Variants in WAC observed in about 807,000 individuals in gnomAD.
WAC encodes the protein WW domain-containing adapter protein with coiled-coil.
A neutral mutation model predicts 79.6 loss-of-function variants in WAC; 11 were observed. That is an observed-to-expected ratio of 0.14 (90% CI 0.09 to 0.23). The LOEUF (loss-of-function observed/expected upper bound fraction) is 0.23, where lower values mean the gene tolerates loss of function less well. WAC is among the 10% of genes least tolerant of loss of function. The probability of loss-of-function intolerance (pLI) is 1.00; values close to 1 mark genes in which losing one functional copy is unlikely to be tolerated. For missense variants in WAC, 728 were observed against 773.5 expected (o/e 0.94, Z 0.70); for synonymous variants, 304 against 276.9 (o/e 1.10, Z -0.97).
chr10:28,562,631 A>AG (rs535276103), intron 3 of WAC, among the ~76,000 whole-genome samples: 153 of 152,346 alleles, frequency 1.0e-3, no homozygotes, highest in African/African-American at 3.5e-3. Context: ...GAGATAAGAA[A>AG]GGTAGTAAAC....
At chr10:28,547,123 T>C (rs1439638558) in intron 3 of WAC, among the ~76,000 whole-genome samples, 1 of 152,248 alleles carries the variant, frequency 6.6e-6, no homozygotes, top group Non-Finnish European at 1.5e-5. Flanking sequence ...ATGTCTTTTG[T>C]ATCTTTATTT....
chr10:28,584,894 C>T (rs1349240549), intron 4 of WAC, among the ~76,000 whole-genome samples: 1 of 151,912 alleles, frequency 6.6e-6, no homozygotes, highest in Non-Finnish European at 1.5e-5. Context: ...ATGGTGAAAC[C>T]CCATCTCTAC....
chr10:28,543,061 G>T (rs1452931934), intron 3 of WAC, among the ~76,000 whole-genome samples: 2 of 152,214 alleles, frequency 1.3e-5, no homozygotes, highest in African/African-American at 4.8e-5. Flanking sequence ...TAAGGGGAAT[G>T]AAATTATAGT....
chr10:28,602,424 A>G (rs1472287519), intron 7 of WAC, among the ~76,000 whole-genome samples: 1 of 152,234 alleles, frequency 6.6e-6, no homozygotes, highest in Non-Finnish European at 1.5e-5. Context: ...GTTGTCACCT[A>G]CCTACCTTAT....
At chr10:28,557,931 G>A (rs954832105) in intron 3 of WAC, among the ~76,000 whole-genome samples, 4 of 152,088 alleles carry the variant, frequency 2.6e-5, no homozygotes, top group East Asian at 1.9e-4. Flanking sequence ...AAAATTAGCC[G>A]GGTGTGGTGG....
intron 3 of WAC, among the ~76,000 whole-genome samples, chr10:28,577,163 C>T (rs1425952909): frequency 6.6e-6 from 1 of 152,112 alleles, no homozygotes; most frequent in Non-Finnish European, 1.5e-5. Context: ...TTTTCACCAC[C>T]AGGTTTCTTG....
At chr10:28,607,443 C>G (rs1485656055) in intron 7 of WAC, among the ~76,000 whole-genome samples, 1 of 152,072 alleles carries the variant, frequency 6.6e-6, no homozygotes, top group African/African-American at 2.4e-5. Context: ...TACATTAAAT[C>G]TATATAAATA....
intron 13 of WAC, 79 bp downstream of exon 13, chr10:28,617,863 TTTTA>T (rs1281844706): frequency 6.3e-6 from 9 of 1,434,678 alleles, no homozygotes; most frequent in Non-Finnish European, 7.4e-6. Flanking sequence ...GTAAATCACA[TTTTA>T]TTTATGAAAT....
At chr10:28,603,939 A>AG (rs1840767000) in intron 7 of WAC, among the ~76,000 whole-genome samples, 1 of 29,578 alleles carries the variant, frequency 3.4e-5, no homozygotes, top group African/African-American at 1.8e-4. Context: ...GTCTCAAAAA[A>AG]AAAATATATA....
rs1841629000 is a variant in WAC, at chr10:28,619,885, C to A, written c.*279C>A. On this transcript the variant is annotated 3_prime_UTR_variant, in exon 14 of 14. Transcript: ENST00000354911. Reference sequence around the variant, plus strand: ...GCCATGTGTAACAGAGCTTAGACATCCAAAACTAATCAATGCTGAGGTGGC... The same window carrying A: ...GCCATGTGTAACAGAGCTTAGACATACAAAACTAATCAATGCTGAGGTGGC... 1 of 247,796 alleles carries A rather than the reference C, an allele frequency of 4.0e-6. No homozygotes were observed. The highest frequency in any genetic ancestry group is 7.6e-6 in the Non-Finnish European group (1 of 131,228). The allele number at this position is 247,796 out of a possible 1,614,324, so 15.3% of individuals were successfully genotyped here. A position where few individuals can be genotyped will look rare whatever the true frequency, so the allele number is the denominator to read the frequency against.
chr10:28,611,407 G>T, intron 9 of WAC: 1 of 1,306,224 alleles, frequency 7.7e-7, no homozygotes. Context: ...GCAACCCTCT[G>T]GCTAGCCTCA....
intron 3 of WAC, among the ~76,000 whole-genome samples, chr10:28,574,199 G>A (rs1839126078): frequency 6.6e-6 from 1 of 152,036 alleles, no homozygotes; most frequent in African/African-American, 2.4e-5. Context: ...CTTGCTCTGT[G>A]TACAGTGTCA....
chr10:28,551,784 T>TGTGTGTGTGTGTG (rs1837682780), intron 3 of WAC, among the ~76,000 whole-genome samples: 63 of 124,814 alleles, frequency 5.0e-4, no homozygotes, highest in African/African-American at 1.5e-3. Context: ...TCCTGTCTAC[T>TGTGTGTGTGTGTG]TGTGTGTGTG....
intron 3 of WAC, among the ~76,000 whole-genome samples, chr10:28,550,432 T>C (rs910657769): frequency 6.6e-6 from 1 of 152,060 alleles, no homozygotes; most frequent in Admixed American, 6.6e-5. Flanking sequence ...TTATGAAGCC[T>C]TCCTTGAGCC....
intron 3 of WAC, among the ~76,000 whole-genome samples, chr10:28,578,253 T>G (rs1172048800): frequency 6.6e-6 from 1 of 152,178 alleles, no homozygotes; most frequent in African/African-American, 2.4e-5. Context: ...TACTAAAGAT[T>G]CAGATCCACT....
At position 28,610,671 on chromosome 10, in the gene WAC, A is replaced by T. The variant is rs777524807; in HGVS notation, c.1166-28A>T. 3.2e-6 allele frequency: 5 copies of T among 1,585,740 alleles called. No individual in the cohort carries two copies. In the South Asian group the frequency reaches 5.8e-5, roughly 18 times the overall value. ...TGCCACATAAGCCTCTTGTTTTTATATGAATGTATGAAATAATATGTTTTT... is the reference window on the plus strand; with the variant it reads ...TGCCACATAAGCCTCTTGTTTTTATTTGAATGTATGAAATAATATGTTTTT... On this transcript the variant is annotated intron_variant, in intron 8 of 13. Coordinates refer to ENST00000354911, the MANE Select transcript of WAC (RefSeq NM_016628.5).
intron 3 of WAC, among the ~76,000 whole-genome samples, chr10:28,558,377 G>T (rs997074219): frequency 2.2e-4 from 34 of 152,236 alleles, no homozygotes; most frequent in African/African-American, 7.9e-4. Context: ...GCAGCGCAAA[G>T]AAATTATTTG....
At chr10:28,619,211 C>T (rs907073800) in intron 13 of WAC, among the ~76,000 whole-genome samples, 17 of 152,102 alleles carry the variant, frequency 1.1e-4, no homozygotes, top group African/African-American at 2.9e-4. Flanking sequence ...ACCCGGGAGG[C>T]GGAGATTGCA....
intron 13 of WAC, 78 bp from the exon 14 acceptor site, chr10:28,619,459 A>T (rs1367492171): frequency 1.5e-5 from 16 of 1,100,476 alleles, no homozygotes; most frequent in Admixed American, 3.4e-5. Context: ...AATTTAAAAA[A>T]TTTTAATTAT....
Sources: allele counts gnomAD v4.1 joint callset (sites outside exome capture counted in the v4.1 genomes callset), GRCh38; gene constraint gnomAD v4.1.1; transcripts MANE v1.5; gene names NCBI Gene and HGNC (gene_info 2026-07-23, HGNC 2026-07-21).